RIN3: variants seen among roughly 807,000 people sequenced by gnomAD.
RIN3 encodes the protein RAB5 interacting protein 3.
RIN3 carries 54 observed loss-of-function variants against 76.3 expected under a neutral mutation model. The ratio of observed to expected loss-of-function variants is 0.71; its 90% CI spans 0.57 to 0.89. The LOEUF is 0.89. RIN3 is among the 40% of genes least tolerant of loss of function. The pLI is 0.00. For synonymous variants in RIN3, 576 were observed against 564.0 expected, an observed-to-expected ratio of 1.02 and a Z score of -0.30; for missense variants, 1,256 against 1,322.1, an observed-to-expected ratio of 0.95 and a Z score of 0.78.
intron 3 of RIN3, among the ~76,000 whole-genome samples, chr14:92,581,912 CA>C (rs1171960761): frequency 6.6e-6 from 1 of 152,172 alleles, no homozygotes; most frequent in Non-Finnish European, 1.5e-5. Context: ...GGGGAAACAT[CA>C]GGGGCAGGGA....
chr14:92,603,742 G>T (rs1055313821), intron 3 of RIN3, among the ~76,000 whole-genome samples: 1 of 152,170 alleles, frequency 6.6e-6, no homozygotes, highest in African/African-American at 2.4e-5. Context: ...CCCTCTGCTG[G>T]TACCAGCAGT....
chr14:92,624,723 G>T lies in RIN3; in HGVS notation c.440+9244G>T, dbSNP rs114063911. 3.7e-3 allele frequency among the ~76,000 whole-genome samples: 556 copies of T among 152,272 alleles called. 4 individuals are homozygous for T. The highest frequency in any genetic ancestry group is 0.013 in the African/African-American group (531 of 41,554). ...TCTGATCTAGTTACGTTAATAATGA[G>T]GTGGCTAGCAAGAGCACAAGGAAAG... On this transcript the variant is annotated intron_variant, in intron 4 of 9. Coordinates refer to ENST00000216487, the MANE Select transcript of RIN3 (RefSeq NM_024832.5).
rs1886240155 is a variant in RIN3, at chr14:92,623,047, G to A, written c.440+7568G>A. 6.6e-6 allele frequency among the ~76,000 whole-genome samples: 1 copy of A among 152,220 alleles called. No individual in the cohort carries two copies. ...GTCCACGAATGCAGGGCATGATGCAGCATCCAACAAGAATAAGCACAGCTA... is the reference window on the plus strand; with the variant it reads ...GTCCACGAATGCAGGGCATGATGCAACATCCAACAAGAATAAGCACAGCTA... On this transcript the variant is annotated intron_variant, in intron 4 of 9. Coordinates refer to ENST00000216487, the MANE Select transcript of RIN3 (RefSeq NM_024832.5). The surrounding 1 kb of genome is among the most constrained non-coding windows in gnomAD (Gnocchi z 4.9).
chr14:92,607,892 G>C (rs1314787833), intron 3 of RIN3, among the ~76,000 whole-genome samples: 2 of 152,136 alleles, frequency 1.3e-5, no homozygotes, highest in Non-Finnish European at 2.9e-5. Flanking sequence ...GAACCTCAAG[G>C]AAGTTACACT....
At chr14:92,547,160 TAA>T (rs1280985236) in intron 1 of RIN3, among the ~76,000 whole-genome samples, 9 of 82,086 alleles carry the variant, frequency 1.1e-4, no homozygotes, top group South Asian at 4.1e-4. Context: ...TTTATTATTA[TAA>T]AATAAATTAT....
rs574825633 is a variant in RIN3, at chr14:92,623,866, A to C, written c.440+8387A>C. 6.6e-6 allele frequency among the ~76,000 whole-genome samples: 1 copy of C among 152,274 alleles called. No homozygotes were observed. Among genetic ancestry groups the C allele is most frequent in the African/African-American group, 2.4e-5 (1 of 41,480 alleles). Reference sequence around the variant, plus strand: ...GTGAGAGACAGGAAGTAAACTTGGCATCTGGAGATGGAGGCTGGATGGCCC... The same window carrying C: ...GTGAGAGACAGGAAGTAAACTTGGCCTCTGGAGATGGAGGCTGGATGGCCC... On this transcript the variant is annotated intron_variant, in intron 4 of 9. Transcript: ENST00000216487. The surrounding 1 kb of genome is among the most constrained non-coding windows in gnomAD (Gnocchi z 4.9).
intron 7 of RIN3, among the ~76,000 whole-genome samples, chr14:92,674,935 TG>T (rs1279911615): frequency 6.7e-6 from 1 of 150,052 alleles, no homozygotes; most frequent in Non-Finnish European, 1.5e-5. Flanking sequence ...CTCCCTCCCC[TG>T]GAAGTGCTTG....
intron 4 of RIN3, among the ~76,000 whole-genome samples, chr14:92,618,887 T>A (rs1886068789): frequency 6.6e-6 from 1 of 152,216 alleles, no homozygotes; most frequent in African/African-American, 2.4e-5. Context: ...AAGGACAAGG[T>A]GGCCATCCTG....
At chr14:92,547,399 A>G (rs926977266) in intron 1 of RIN3, among the ~76,000 whole-genome samples, 18 of 136,536 alleles carry the variant, frequency 1.3e-4, no homozygotes, top group African/African-American at 4.9e-4. Flanking sequence ...TTATTTTATT[A>G]TTTTATTATT....
Position 92,575,315 on chromosome 14 carries a change from G to C in RIN3, c.250-2045G>C, listed in dbSNP as rs75144853. Among the ~76,000 whole-genome samples, 1,129 of 152,182 alleles carry C rather than the reference G, an allele frequency of 7.4e-3. 21 individuals are homozygous for C. Among genetic ancestry groups the C allele is most frequent in the African/African-American group, 0.026 (1,077 of 41,542 alleles). The stretch of plus-strand genomic sequence containing the variant: ...TTGGGGCCGTATCCTCACGTTACCA[G>C]AAAGGGCTCCCGATCCAGACCCCAA... On this transcript the variant is annotated intron_variant, in intron 2 of 9. Coordinates refer to ENST00000216487, the MANE Select transcript of RIN3 (RefSeq NM_024832.5).
chr14:92,651,503 CG>C, intron 5 of RIN3, 78 bp from the exon 6 acceptor site: 12 of 804,254 alleles, frequency 1.5e-5, no homozygotes, highest in African/African-American at 1.7e-5. Context: ...CCGTGGACCC[CG>C]CCCACAGACC....
chr14:92,681,877 CTTATT>C lies in RIN3; in HGVS notation c.2468-3108_2468-3104del, dbSNP rs142008234. 0.011 allele frequency among the ~76,000 whole-genome samples: 1,679 copies of C among 152,168 alleles called. 27 individuals are homozygous for C. The highest frequency in any genetic ancestry group is 0.036 in the African/African-American group (1,513 of 41,510). ...AATTTAGTTTTTTCAAAAAATGTCT[CTTATT>C]TATTTTTATTTTTTTTTAATTTGAG... is the stretch of plus-strand genomic sequence containing the variant. On this transcript the variant is annotated intron_variant, in intron 8 of 9. Coordinates refer to ENST00000216487, the MANE Select transcript of RIN3 (RefSeq NM_024832.5). This position sits in a 1 kb window ranked among gnomAD's most constrained non-coding sequence, Gnocchi z 4.7.
intron 1 of RIN3, among the ~76,000 whole-genome samples, chr14:92,550,555 T>TG (rs565513770): frequency 2.5e-3 from 387 of 152,196 alleles, no homozygotes; most frequent in Non-Finnish European, 4.2e-3. Flanking sequence ...TGGGACTACA[T>TG]GGGGCACACG....
At chr14:92,644,705 CCT>C (rs1167943711) in intron 5 of RIN3, 1 of 152,280 alleles carries the variant, frequency 6.6e-6, no homozygotes, top group Non-Finnish European at 1.5e-5. Flanking sequence ...ATCATTTTCC[CCT>C]GGAGCCAAGG....
intron 6 of RIN3, among the ~76,000 whole-genome samples, chr14:92,655,031 GGC>G (rs1264582940): frequency 1.3e-5 from 2 of 152,146 alleles, no homozygotes; most frequent in Admixed American, 6.5e-5. Context: ...CAGGTGTGGT[GGC>G]GCGCACCTGT....
chr14:92,688,185 A>ACGGTGGTGGCGG lies in RIN3; in HGVS notation c.2895_2906dup (p.Gly969_Gly972dup). 6.4e-7 allele frequency: 1 copy of ACGGTGGTGGCGG among 1,553,112 alleles called. No homozygotes were observed. The highest frequency in any genetic ancestry group is 8.6e-7 in the Non-Finnish European group (1 of 1,158,090). On this transcript the variant is annotated inframe_insertion, in exon 10 of 10. Coordinates refer to ENST00000216487, the MANE Select transcript of RIN3 (RefSeq NM_024832.5). The stretch of plus-strand genomic sequence containing the variant: ...TTCCACTTTGTCTACCGGCCCCTGG[A>ACGGTGGTGGCGG]CGGTGGTGGCGGCGGCGGCGGCGGG...
At chr14:92,674,348 A>T (rs867220948) in intron 7 of RIN3, among the ~76,000 whole-genome samples, 1 of 152,196 alleles carries the variant, frequency 6.6e-6, no homozygotes, top group East Asian at 1.9e-4. Flanking sequence ...AAGCAGCCTC[A>T]TTGTTACAAG....
intron 3 of RIN3, among the ~76,000 whole-genome samples, chr14:92,595,776 G>T (rs1469028678): frequency 3.9e-5 from 6 of 152,182 alleles, no homozygotes; most frequent in African/African-American, 1.4e-4. Context: ...CAGACAGAAG[G>T]CGCCGTTCTT....
chr14:92,650,481 T>G (rs3829948), intron 5 of RIN3, among the ~76,000 whole-genome samples: 20,338 of 152,258 alleles, frequency 0.13, 1,557 homozygotes, highest in East Asian at 0.25. Context: ...TTATTTTCCA[T>G]AGTTTTCTTA....
Sources: gnomAD v4.1 joint callset for allele counts (sites outside exome capture counted in the v4.1 genomes callset) on GRCh38, gnomAD v4.1.1 for gene constraint, Gnocchi (gnomAD v3.1) non-coding constraint, MANE v1.5 for transcripts, NCBI Gene and HGNC (gene_info 2026-07-23, HGNC 2026-07-21) for gene names.